Variants in NOL4L observed in about 807,000 individuals in gnomAD.
NOL4L encodes the protein nucleolar protein 4 like, also known as nucleolar protein 4-like.
NOL4L carries 7 observed loss-of-function variants against 64.5 expected under a neutral mutation model. That is an observed-to-expected ratio of 0.11 (90% CI 0.06 to 0.20). The LOEUF (loss-of-function observed/expected upper bound fraction) is 0.20, where lower values mean the gene tolerates loss of function less well. NOL4L is among the 10% of genes least tolerant of loss of function. The probability of loss-of-function intolerance (pLI) is 1.00; values close to 1 mark genes in which losing one functional copy is unlikely to be tolerated. For missense variants in NOL4L, 680 were observed against 967.1 expected, an observed-to-expected ratio of 0.70 and a Z score of 3.94; for synonymous variants, 413 against 401.0, an observed-to-expected ratio of 1.03 and a Z score of -0.36.
chr20:32,500,533 TCTTTC>T (rs1182277346), intron 4 of NOL4L, among the ~76,000 whole-genome samples: 80 of 118,970 alleles, frequency 6.7e-4, no homozygotes, highest in Non-Finnish European at 9.6e-4. Flanking sequence ...TTTTTGTATT[TCTTTC>T]TTTTTTTTTT....
chr20:32,517,675 G>A (rs2145568036), intron 3 of NOL4L, among the ~76,000 whole-genome samples: 1 of 152,346 alleles, frequency 6.6e-6, no homozygotes, highest in Middle Eastern at 3.4e-3. Context: ...TACCTGGGTA[G>A]AGGCAGACCT....
In NOL4L at chr20:32,453,642, G is replaced by T; in HGVS notation, c.1239C>A (p.Asp413Glu). The T allele has an allele frequency of 6.2e-7, 1 of 1,601,604 alleles. No individual in the cohort carries two copies. Among genetic ancestry groups the T allele is most frequent in the Non-Finnish European group, 8.5e-7 (1 of 1,174,142 alleles). ...TADDDDDDHD[D>E]HEDNDKMNDS... Reference sequence around the variant, plus strand: ...CGTTCATCTTGTCATTGTCCTCATGGTCATCGTGGTCATCGTCGTCATCAT... The same window carrying T: ...CGTTCATCTTGTCATTGTCCTCATGTTCATCGTGGTCATCGTCGTCATCAT... The change falls in exon 7 of 11, where the codon GAC becomes GAA. Residue 413 changes from aspartate to glutamate, a missense_variant. By Grantham distance (45) the Asp-to-Glu change is conservative (BLOSUM62 2). This residue lies in a region of NOL4L where 70 missense variants were observed against 166.1 expected (regional missense o/e 0.42). Coordinates refer to ENST00000621426, the MANE Select transcript of NOL4L (RefSeq NM_001256798.2). This position sits in a 1 kb window ranked among gnomAD's most constrained non-coding sequence, Gnocchi z 5.6.
At chr20:32,568,722 G>GA (rs1979585788) in intron 1 of NOL4L, among the ~76,000 whole-genome samples, 1 of 152,208 alleles carries the variant, frequency 6.6e-6, no homozygotes, top group Admixed American at 6.5e-5. Context: ...CATGGCCAGA[G>GA]AAAGTGGAAA....
At chr20:32,533,684 C>T (rs556096766) in intron 1 of NOL4L, among the ~76,000 whole-genome samples, 41 of 152,318 alleles carry the variant, frequency 2.7e-4, no homozygotes, top group Admixed American at 8.5e-4. Flanking sequence ...AGAGCAGGAA[C>T]GCCCTGCATC....
intron 1 of NOL4L, among the ~76,000 whole-genome samples, chr20:32,538,569 C>T (rs966277880): frequency 2.0e-5 from 3 of 151,410 alleles, no homozygotes; most frequent in Non-Finnish European, 4.4e-5. Flanking sequence ...CCAACCCCGC[C>T]AGCATTCCAG....
chr20:32,531,054 G>A (rs1338425614), intron 1 of NOL4L, among the ~76,000 whole-genome samples: 1 of 152,156 alleles, frequency 6.6e-6, no homozygotes, highest in Non-Finnish European at 1.5e-5. Context: ...TTAAATTCAG[G>A]TAAAATACCC....
At chr20:32,558,426 G>C (rs897266079) in intron 1 of NOL4L, among the ~76,000 whole-genome samples, 21 of 152,218 alleles carry the variant, frequency 1.4e-4, no homozygotes, top group South Asian at 4.1e-4. Context: ...GTGTGTGTAG[G>C]GGGGCAAGCT....
At chr20:32,477,387 G>A (rs935681315) in intron 4 of NOL4L, among the ~76,000 whole-genome samples, 2 of 152,234 alleles carry the variant, frequency 1.3e-5, no homozygotes, top group South Asian at 2.1e-4. Context: ...TCCTAACTGA[G>A]TTGGCCCTCG....
chr20:32,462,903 T>TCAAAAAAAAAAAA (rs1555790668), intron 5 of NOL4L, among the ~76,000 whole-genome samples: 1 of 76,668 alleles, frequency 1.3e-5, no homozygotes, highest in African/African-American at 4.8e-5. Context: ...GACTCTGTCT[T>TCAAAAAAAAAAAA]AAAAAAAAAA....
chr20:32,523,621 G>A (rs1478360533), intron 2 of NOL4L, among the ~76,000 whole-genome samples: 1 of 152,192 alleles, frequency 6.6e-6, no homozygotes, highest in African/African-American at 2.4e-5. Context: ...TCTAGAAATA[G>A]ACTCATACAC....
chr20:32,535,778 G>A, intron 1 of NOL4L: 1 of 985,472 alleles, frequency 1.0e-6, no homozygotes, highest in African/African-American at 1.7e-5. Flanking sequence ...AATGGGAAGA[G>A]AAAGGGGCAC....
intron 1 of NOL4L, among the ~76,000 whole-genome samples, chr20:32,556,274 T>G (rs913569601): frequency 2.4e-4 from 35 of 144,260 alleles, no homozygotes; most frequent in South Asian, 9.3e-4. Flanking sequence ...ATTTCCTTTG[T>G]GGGGGGGGGG....
intron 1 of NOL4L, among the ~76,000 whole-genome samples, chr20:32,528,348 G>A (rs1043434793): frequency 1.4e-5 from 2 of 144,338 alleles, no homozygotes; most frequent in Non-Finnish European, 3.2e-5. Context: ...CTGGGGTCCC[G>A]GGGGAACAGC....
At chr20:32,582,373 T>C (rs528999915) in intron 1 of NOL4L, among the ~76,000 whole-genome samples, 18 of 152,104 alleles carry the variant, frequency 1.2e-4, no homozygotes, top group Non-Finnish European at 2.1e-4. Context: ...CGGGTCAGCG[T>C]GGGTCTCAAG....
chr20:32,510,096 G>A (rs1376901924), intron 4 of NOL4L: 32 of 508,412 alleles, frequency 6.3e-5, no homozygotes, highest in Admixed American at 5.9e-4. Context: ...GCCTTTGTGC[G>A]TTGGAAACCC....
In NOL4L at chr20:32,463,952, G is replaced by A. The variant is rs907126491; in HGVS notation, c.842-7557C>T. Among the ~76,000 whole-genome samples the A allele has an allele frequency of 1.4e-4, 22 of 152,326 alleles. No homozygotes were observed. Among genetic ancestry groups the A allele is most frequent in the African/African-American group, 3.8e-4 (16 of 41,584 alleles). Reference sequence around the variant, plus strand: ...AGGCCCTGCGTGCAGACTGCCTTCCGTGTCCAGAGGTGTGGCTGCTGGAGG... The same window carrying A: ...AGGCCCTGCGTGCAGACTGCCTTCCATGTCCAGAGGTGTGGCTGCTGGAGG... On this transcript the variant is annotated intron_variant, in intron 5 of 10. Transcript: ENST00000621426. The surrounding 1 kb of genome is among the most constrained non-coding windows in gnomAD (Gnocchi z 5.8).
At chr20:32,560,702 AAGG>A (rs1978953726) in intron 1 of NOL4L, among the ~76,000 whole-genome samples, 1 of 152,228 alleles carries the variant, frequency 6.6e-6, no homozygotes, top group Non-Finnish European at 1.5e-5. Context: ...GACAAACAGC[AAGG>A]ATTTGGTGGA....
At chr20:32,488,749 TC>T (rs1425021728) in intron 4 of NOL4L, among the ~76,000 whole-genome samples, 6 of 42,934 alleles carry the variant, frequency 1.4e-4, no homozygotes, top group African/African-American at 9.7e-4. Context: ...TTCTTTCTTT[TC>T]CTTCCTTCCT....
chr20:32,534,314 A>C (rs148303855), intron 1 of NOL4L, among the ~76,000 whole-genome samples: 1 of 152,288 alleles, frequency 6.6e-6, no homozygotes, highest in Non-Finnish European at 1.5e-5. Context: ...TTGCTATTGG[A>C]CGAGAAAGTC....
Sources: gnomAD v4.1 joint callset for allele counts (sites outside exome capture counted in the v4.1 genomes callset) on GRCh38, gnomAD v4.1.1 for gene constraint, gnomAD v4.1.1 regional missense constraint, Gnocchi (gnomAD v3.1) non-coding constraint, MANE v1.5 for transcripts, NCBI Gene and HGNC (gene_info 2026-07-23, HGNC 2026-07-21) for gene names.